Variants in MIER2 observed in about 807,000 individuals in gnomAD.
MIER2 encodes the protein MIER family member 2.
Under a neutral mutation model 67.6 loss-of-function variants are expected in MIER2, and 30 were observed. The observed-to-expected ratio is 0.44, with a 90% CI of 0.33 to 0.60. MIER2 has a LOEUF of 0.60. Among genes scored for constraint, MIER2 ranks in the 20% least tolerant of loss-of-function variants. The pLI, the probability that MIER2 is intolerant of heterozygous loss-of-function variation, is 0.02. For synonymous variants in MIER2, 372 were observed against 312.6 expected (o/e 1.19, Z -2.00); for missense variants, 702 against 745.1 (o/e 0.94, Z 0.67).
chr19:327,939 C>A lies in MIER2; in HGVS notation c.294G>T (p.Ala98=), dbSNP rs115844135. The change falls in exon 4 of 14, where the codon GCG becomes GCT. Residue 98 remains alanine (A), a synonymous_variant. Coordinates refer to ENST00000264819, the MANE Select transcript of MIER2 (RefSeq NM_017550.3). The part of the protein sequence containing the change: ...DELLALYGYE[A]SDPISDRESE... ...TCTCCCGGTCTGAAATGGGGTCTGACGCCTCGTAGCCATAGAGCGCAAGCA... is the reference window on the plus strand; with the variant it reads ...TCTCCCGGTCTGAAATGGGGTCTGAAGCCTCGTAGCCATAGAGCGCAAGCA... 6.2e-7 allele frequency: 1 copy of A among 1,612,950 alleles called. No individual in the cohort carries two copies. The highest frequency in any genetic ancestry group is 1.3e-5 in the African/African-American group (1 of 74,946).
intron 7 of MIER2, among the ~76,000 whole-genome samples, chr19:321,527 C>G (rs931252418): frequency 6.6e-6 from 1 of 152,014 alleles, no homozygotes; most frequent in Admixed American, 6.6e-5. Context: ...TGCCTGTACT[C>G]CCAGTTACTT....
chr19:325,564 G>T, intron 7 of MIER2, 71 bp downstream of exon 7: 5 of 1,560,274 alleles, frequency 3.2e-6, no homozygotes, highest in Non-Finnish European at 1.8e-6. Context: ...ACTGTCCAAG[G>T]ATCTGACGTC....
rs747849333 is a variant in MIER2, at chr19:308,633, G to A, written c.1142C>T (p.Pro381Leu). 4 of 1,606,412 alleles carry A rather than the reference G, an allele frequency of 2.5e-6. 1 individual carries two copies. The South Asian group carries it at 3.3e-5, about 13-fold the overall frequency. Residue 381 changes from proline (P) to leucine (L), a missense_variant, in exon 12 of 14, where the codon CCC becomes CTC. By Grantham distance (98) the Pro-to-Leu change is moderately conservative. Around this residue, in one of 3 missense-constraint regions of MIER2, gnomAD observed 254 missense variants for 262.8 expected, o/e 0.97. Transcript: ENST00000264819. The surrounding 1 kb of genome is among the most constrained non-coding windows in gnomAD (Gnocchi z 9.1). ...DADQDLDGSD[P>L]DGPGRPRPEQ... is the part of the protein sequence containing the mutation. ...CGGGCGCGGACGGCCGGGGCCATCG[G>A]GGTCGCTGCCATCCAGGTCCTGGTC...
rs1970652899 is a variant in MIER2 at position 306,456 on chromosome 19, G to C, written c.*234C>G. The C allele has an allele frequency of 4.8e-6, 3 of 619,174 alleles. No individual in the cohort carries two copies. In the East Asian group the frequency reaches 8.3e-5, roughly 17 times the overall value. 38.4% of individuals were successfully genotyped at this position (619,174 alleles called of 1,614,324 possible). A position where few individuals can be genotyped will look rare whatever the true frequency, so the allele number is the denominator to read the frequency against. On this transcript the variant is annotated 3_prime_UTR_variant, in exon 14 of 14. Coordinates refer to ENST00000264819, the MANE Select transcript of MIER2 (RefSeq NM_017550.3). ...CGTGCAGGCAGCGGCCCGGACCCGG[G>C]TGGCAGTGCCGGGCGCTGACGGCGC... is the stretch of plus-strand genomic sequence containing the variant.
rs1229474451 is a variant in MIER2, at chr19:327,247, C to T, written c.379G>A (p.Ala127Thr). The T allele has an allele frequency of 6.4e-7, 1 of 1,572,828 alleles. No individual in the cohort carries two copies. The highest frequency in any genetic ancestry group is 1.2e-5 in the South Asian group (1 of 84,616). The change falls in exon 5 of 14, where the codon GCG becomes ACG. Residue 127 changes from alanine (A) to threonine (T), a missense_variant. Physicochemically the swap from Ala to Thr is moderately conservative, Grantham distance 58 (BLOSUM62 0). This residue lies in a region of MIER2 where 320 missense variants were observed against 292.6 expected (regional missense o/e 1.09). Coordinates refer to ENST00000264819, the MANE Select transcript of MIER2 (RefSeq NM_017550.3). ...PDMTLDKEQIAKDLLSGEEEE... is the reference protein window; with the variant it reads ...PDMTLDKEQITKDLLSGEEEE... The stretch of plus-strand genomic sequence containing the variant: ...TCTTCCCCTGAAAGCAAATCCTTCG[C>T]TATTTGTTCCTTTAAAAAAAAAAAA...
intron 8 of MIER2, among the ~76,000 whole-genome samples, 180 bp downstream of exon 8, chr19:313,312 T>A (rs1047232663): frequency 5.3e-5 from 8 of 152,144 alleles, no homozygotes; most frequent in African/African-American, 1.9e-4. Context: ...TCCTCCCTGA[T>A]ACGTGGTTTT....
intron 1 of MIER2, chr19:344,320 T>C (rs1486952634): frequency 3.0e-6 from 3 of 984,354 alleles, no homozygotes; most frequent in South Asian, 9.4e-5. Context: ...GGGATCCCGA[T>C]GGGGAGCGCG....
intron 10 of MIER2, among the ~76,000 whole-genome samples, chr19:310,408 C>T (rs186976809): frequency 2.0e-5 from 3 of 152,382 alleles, no homozygotes; most frequent in East Asian, 3.9e-4. Context: ...GGGTGAAATA[C>T]GCACTGGCTC....
chr19:341,393 G>A (rs1320464186), intron 1 of MIER2, among the ~76,000 whole-genome samples: 3 of 152,132 alleles, frequency 2.0e-5, no homozygotes, highest in Non-Finnish European at 2.9e-5. Flanking sequence ...CTTATATGAC[G>A]TGCCATTTAA....
intron 13 of MIER2, 92 bp from the exon 14 acceptor site, chr19:306,803 C>A (rs2145312033): frequency 1.3e-6 from 2 of 1,537,204 alleles, no homozygotes; most frequent in Non-Finnish European, 8.8e-7. Flanking sequence ...CTCGAGACTC[C>A]CAGCCTTGCC....
intron 7 of MIER2, among the ~76,000 whole-genome samples, chr19:323,033 C>G (rs1971562341): frequency 6.6e-6 from 1 of 151,974 alleles, no homozygotes; most frequent in African/African-American, 2.4e-5. Context: ...AAGACACACA[C>G]AACCACACAG....
At chr19:319,333 G>GC (rs1456982776) in intron 7 of MIER2, among the ~76,000 whole-genome samples, 1 of 152,164 alleles carries the variant, frequency 6.6e-6, no homozygotes, top group African/African-American at 2.4e-5. Context: ...CTGAACTCCA[G>GC]CCTGGGCAAT....
chr19:330,430 T>G (rs1362936885), intron 3 of MIER2: 4 of 151,328 alleles, frequency 2.6e-5, no homozygotes, highest in African/African-American at 9.7e-5. Context: ...GTGCCTGTAG[T>G]CCCAGTTACT....
At chr19:343,910 T>C in intron 1 of MIER2, 2 of 985,424 alleles carry the variant, frequency 2.0e-6, no homozygotes, top group Non-Finnish European at 2.4e-6. Flanking sequence ...AAAGCGAAAG[T>C]TTCTTCCTTC....
chr19:313,765 C>T, intron 7 of MIER2, 122 bp from the exon 8 acceptor site: 1 of 1,391,046 alleles, frequency 7.2e-7, no homozygotes, highest in Non-Finnish European at 9.7e-7. Context: ...TCCTCCCTTT[C>T]CCAAGCCCTG....
In MIER2 at chr19:306,214, C is replaced by G. The variant is rs1341255290; in HGVS notation, c.*476G>C. The G allele has an allele frequency of 1.7e-5, 3 of 178,786 alleles. No homozygotes were observed. The highest frequency in any genetic ancestry group is 7.2e-5 in the African/African-American group (3 of 41,778). The allele number at this position is 178,786 out of a possible 1,614,324, so 11.1% of individuals were successfully genotyped here. On this transcript the variant is annotated 3_prime_UTR_variant, in exon 14 of 14. Coordinates refer to ENST00000264819, the MANE Select transcript of MIER2 (RefSeq NM_017550.3). ...CCACGACCCCCAGGGCTGGGGCAGCCCGCGGCCCTGCCGGGTGTGGAGAGA... is the reference window on the plus strand; with the variant it reads ...CCACGACCCCCAGGGCTGGGGCAGCGCGCGGCCCTGCCGGGTGTGGAGAGA...
intron 6 of MIER2, 105 bp downstream of exon 6, chr19:326,402 A>C: frequency 1.0e-6 from 1 of 1,002,246 alleles, no homozygotes; most frequent in Non-Finnish European, 1.6e-6. Flanking sequence ...CACGGCCGGG[A>C]TGCCAGGCTG....
chr19:338,782 G>T (rs1372658484), intron 1 of MIER2, among the ~76,000 whole-genome samples: 2 of 152,064 alleles, frequency 1.3e-5, no homozygotes, highest in Admixed American at 6.6e-5. Flanking sequence ...TTCCACAAAG[G>T]TATCAAAACA....
intron 2 of MIER2, among the ~76,000 whole-genome samples, chr19:334,893 C>T (rs1212500368): frequency 2.6e-5 from 4 of 152,130 alleles, no homozygotes; most frequent in Admixed American, 2.6e-4. Context: ...AGGACTCAGT[C>T]GAGGTGGGTT....
Sources: gnomAD v4.1 joint callset for allele counts (sites outside exome capture counted in the v4.1 genomes callset) on GRCh38, gnomAD v4.1.1 for gene constraint, gnomAD v4.1.1 regional missense constraint, Gnocchi (gnomAD v3.1) non-coding constraint, MANE v1.5 for transcripts, NCBI Gene and HGNC (gene_info 2026-07-23, HGNC 2026-07-21) for gene names.